The following IMMP2L variants were observed in gnomAD, a reference collection of about 807,000 sequenced individuals.
IMMP2L encodes inner mitochondrial membrane peptidase subunit 2.
In IMMP2L, 18 loss-of-function variants were observed where a neutral mutation model predicts 19.3. That is an observed-to-expected ratio of 0.93 (90% CI 0.64 to 1.38). The LOEUF is 1.38. Ranked by LOEUF, IMMP2L falls within the 40% of genes most tolerant of loss-of-function variation. The probability of loss-of-function intolerance (pLI) is 0.00; values close to 1 mark genes in which losing one functional copy is unlikely to be tolerated. For missense variants in IMMP2L, 233 were observed against 218.2 expected, an observed-to-expected ratio of 1.07 and a Z score of -0.43; for synonymous variants, 76 against 73.0, an observed-to-expected ratio of 1.04 and a Z score of -0.21.
At chr7:111,251,479 A>G (rs1343925036) in intron 3 of IMMP2L, among the ~76,000 whole-genome samples, 1 of 152,188 alleles carries the variant, frequency 6.6e-6, no homozygotes, top group African/African-American at 2.4e-5. Flanking sequence ...ACTATTCACA[A>G]CAGCAAAAAC....
At chr7:111,188,865 T>A (rs948503705) in intron 3 of IMMP2L, among the ~76,000 whole-genome samples, 1 of 152,164 alleles carries the variant, frequency 6.6e-6, no homozygotes, top group African/African-American at 2.4e-5. Context: ...AACATCTTTT[T>A]CAATAGGAAG....
intron 3 of IMMP2L, among the ~76,000 whole-genome samples, chr7:111,135,132 A>T (rs1802211216): frequency 6.6e-6 from 1 of 152,150 alleles, no homozygotes; most frequent in South Asian, 2.1e-4. Flanking sequence ...TCTGGAAAAA[A>T]ATGAATCCAG....
intron 3 of IMMP2L, among the ~76,000 whole-genome samples, chr7:111,198,808 A>G (rs1028913377): frequency 3.9e-5 from 6 of 152,192 alleles, no homozygotes; most frequent in Admixed American, 3.3e-4. Flanking sequence ...TTAGAGTTAT[A>G]ATGCCCTTGT....
At chr7:111,380,885 G>GT (rs1007106688) in intron 3 of IMMP2L, among the ~76,000 whole-genome samples, 2 of 151,150 alleles carry the variant, frequency 1.3e-5, no homozygotes, top group African/African-American at 4.9e-5. Flanking sequence ...CCACAAAAAA[G>GT]TAACAGAATC....
At chr7:110,777,726 T>C (rs141243053) in intron 5 of IMMP2L, among the ~76,000 whole-genome samples, 351 of 152,078 alleles carry the variant, frequency 2.3e-3, no homozygotes, top group Non-Finnish European at 4.1e-3. Context: ...GGCTTACAGA[T>C]CCACTATATC....
chr7:111,050,959 TA>T (rs1016420100), intron 3 of IMMP2L, among the ~76,000 whole-genome samples: 3 of 152,020 alleles, frequency 2.0e-5, no homozygotes, highest in Non-Finnish European at 4.4e-5. Context: ...AATTAACAAA[TA>T]AAAAAGCTGA....
At chr7:111,286,369 G>C (rs961277302) in intron 3 of IMMP2L, among the ~76,000 whole-genome samples, 2 of 152,012 alleles carry the variant, frequency 1.3e-5, no homozygotes, top group East Asian at 1.9e-4. Context: ...ATTCCACCAC[G>C]ATCAACGCAA....
intron 3 of IMMP2L, among the ~76,000 whole-genome samples, chr7:111,445,073 C>G (rs977655046): frequency 6.6e-6 from 1 of 151,964 alleles, no homozygotes; most frequent in Non-Finnish European, 1.5e-5. Flanking sequence ...TAGATCTAAA[C>G]GTCCATAAAA....
intron 3 of IMMP2L, among the ~76,000 whole-genome samples, chr7:111,343,264 C>T (rs1827204917): frequency 6.6e-6 from 1 of 152,028 alleles, no homozygotes; most frequent in Non-Finnish European, 1.5e-5. Flanking sequence ...TATCTAAGTT[C>T]TTAAAATGGC....
intron 3 of IMMP2L, among the ~76,000 whole-genome samples, chr7:110,976,658 G>A (rs1164916552): frequency 1.3e-5 from 2 of 151,950 alleles, no homozygotes; most frequent in Non-Finnish European, 2.9e-5. Flanking sequence ...CTAATTTAAA[G>A]TCTAGAAGGT....
rs567791533 is a variant in IMMP2L, at chr7:111,167,008, C to T, written c.240-203443G>A. On this transcript the variant is annotated intron_variant, in intron 3 of 5. Coordinates refer to ENST00000405709, the MANE Select transcript of IMMP2L (RefSeq NM_032549.4). The stretch of plus-strand genomic sequence containing the variant: ...GGTTCTGAGAAATGGACACATCATT[C>T]GGAGGGGGGGCAGGTCACCATTCAA... Among the ~76,000 whole-genome samples the T allele has an allele frequency of 3.9e-5, 6 of 151,992 alleles. No homozygotes were observed. In the South Asian group the frequency reaches 8.3e-4, roughly 21 times the overall value.
At chr7:110,691,776 A>C (rs2130548390) in intron 5 of IMMP2L, among the ~76,000 whole-genome samples, 1 of 152,252 alleles carries the variant, frequency 6.6e-6, no homozygotes, top group South Asian at 2.1e-4. Context: ...ACCCCAGCCA[A>C]GATGGCCATT....
intron 3 of IMMP2L, among the ~76,000 whole-genome samples, chr7:110,982,283 G>C (rs1191143666): frequency 6.6e-6 from 1 of 152,084 alleles, no homozygotes; most frequent in Non-Finnish European, 1.5e-5. Context: ...ACTGAATCAG[G>C]TCACATATCC....
At chr7:110,742,104 A>G (rs913388256) in intron 5 of IMMP2L, among the ~76,000 whole-genome samples, 1 of 152,242 alleles carries the variant, frequency 6.6e-6, no homozygotes, top group African/African-American at 2.4e-5. Context: ...CTAGCATGTG[A>G]GAACAACAGT....
At chr7:110,856,141 A>C (rs1417164094) in intron 5 of IMMP2L, among the ~76,000 whole-genome samples, 1 of 152,054 alleles carries the variant, frequency 6.6e-6, no homozygotes, top group Non-Finnish European at 1.5e-5. Context: ...CACCAAATTT[A>C]TAAAACTTTC....
At chr7:110,685,847 A>G (rs994314915) in intron 5 of IMMP2L, among the ~76,000 whole-genome samples, 3 of 152,112 alleles carry the variant, frequency 2.0e-5, no homozygotes, top group African/African-American at 7.2e-5. Flanking sequence ...AGGCATTTGC[A>G]GTAATGAACA....
intron 3 of IMMP2L, among the ~76,000 whole-genome samples, chr7:111,277,568 A>G (rs961936213): frequency 9.5e-5 from 3 of 31,662 alleles, no homozygotes; most frequent in African/African-American, 5.2e-4. Flanking sequence ...GTCTCATTTA[A>G]AAAAAAAAAA....
At chr7:111,266,486 C>T (rs747801477) in intron 3 of IMMP2L, among the ~76,000 whole-genome samples, 5 of 147,258 alleles carry the variant, frequency 3.4e-5, no homozygotes, top group Non-Finnish European at 5.9e-5. Flanking sequence ...GAGGTTGCAG[C>T]GAGCCAAGAT....
intron 3 of IMMP2L, among the ~76,000 whole-genome samples, chr7:111,047,051 A>T (rs2129572013): frequency 6.6e-6 from 1 of 152,346 alleles, no homozygotes; most frequent in Middle Eastern, 3.4e-3. Context: ...ACTAAGTGGC[A>T]GGGAATCATT....
Sources: gnomAD v4.1 joint callset for allele counts (sites outside exome capture counted in the v4.1 genomes callset) on GRCh38, gnomAD v4.1.1 for gene constraint, MANE v1.5 for transcripts, NCBI Gene and HGNC (gene_info 2026-07-23, HGNC 2026-07-21) for gene names.